The following RAB1A variants were observed in gnomAD, a reference collection of about 807,000 sequenced individuals.
RAB1A encodes the protein RAB1A, member RAS oncogene family, also known as ras-related protein Rab-1A.
In RAB1A, 2 loss-of-function variants were observed where a neutral mutation model predicts 26.0. The observed-to-expected ratio is 0.08, with a 90% CI of 0.03 to 0.24. The LOEUF is 0.24. Among genes scored for constraint, RAB1A ranks in the 10% least tolerant of loss-of-function variants. RAB1A has a pLI of 1.00. For missense variants in RAB1A, 100 were observed against 247.0 expected (o/e 0.40, Z 3.99); for synonymous variants, 84 against 84.9 (o/e 0.99, Z 0.06).
intron 1 of RAB1A, among the ~76,000 whole-genome samples, chr2:65,117,598 A>C (rs890670483): frequency 2.0e-5 from 3 of 151,864 alleles, no homozygotes; most frequent in Middle Eastern, 3.2e-3. Context: ...ATAGGCTCTC[A>C]CTCTGTCACC....
chr2:65,114,836 A>G (rs1488013998), intron 1 of RAB1A, among the ~76,000 whole-genome samples: 3 of 146,454 alleles, frequency 2.0e-5, no homozygotes, highest in Admixed American at 1.4e-4. Context: ...TGGGCAACAG[A>G]GCGAGACTCC....
chr2:65,117,508 A>C (rs750230664), intron 1 of RAB1A, among the ~76,000 whole-genome samples: 1 of 152,162 alleles, frequency 6.6e-6, no homozygotes, highest in Non-Finnish European at 1.5e-5. Flanking sequence ...TCCAACCATG[A>C]ATTCGTAAAG....
At chr2:65,124,295 T>C (rs1670043886) in intron 1 of RAB1A, among the ~76,000 whole-genome samples, 2 of 152,148 alleles carry the variant, frequency 1.3e-5, no homozygotes, top group Admixed American at 1.3e-4. Context: ...GCGGGAAATT[T>C]TTTAATGCAA....
At chr2:65,119,670 T>G (rs1352969156) in intron 1 of RAB1A, among the ~76,000 whole-genome samples, 1 of 150,774 alleles carries the variant, frequency 6.6e-6, no homozygotes, top group African/African-American at 2.4e-5. Context: ...AAGAAAAGTG[T>G]GATTCACTGC....
At chr2:65,098,366 T>C (rs1453782392) in intron 2 of RAB1A, among the ~76,000 whole-genome samples, 1 of 152,198 alleles carries the variant, frequency 6.6e-6, no homozygotes, top group Non-Finnish European at 1.5e-5. Context: ...GCCAAATTCT[T>C]TACATACATC....
rs202147353 is a variant in RAB1A, at chr2:65,090,708, TAG to T, written c.288+273_288+274del. On this transcript the variant is annotated intron_variant, in intron 4 of 5. Coordinates refer to ENST00000409784, the MANE Select transcript of RAB1A (RefSeq NM_004161.5). Reference sequence around the variant, plus strand: ...TCCCTACAAACTCTTGCCTATATGTTAGAGTCTTGGCTATTTGATCAAAGTTA... The same window carrying T: ...TCCCTACAAACTCTTGCCTATATGTTAGTCTTGGCTATTTGATCAAAGTTA... Among the ~76,000 whole-genome samples, 418 of 152,328 alleles carry T rather than the reference TAG, an allele frequency of 2.7e-3. 1 individual carries two copies. The highest frequency in any genetic ancestry group is 9.6e-3 in the African/African-American group (397 of 41,570).
intron 1 of RAB1A, among the ~76,000 whole-genome samples, chr2:65,122,628 T>C (rs1394557106): frequency 6.6e-6 from 1 of 151,982 alleles, no homozygotes; most frequent in Non-Finnish European, 1.5e-5. Context: ...AAGAAGCATC[T>C]TATTTTACCC....
intron 1 of RAB1A, among the ~76,000 whole-genome samples, chr2:65,125,414 T>C (rs1670074201): frequency 2.0e-5 from 3 of 150,748 alleles, no homozygotes; most frequent in Non-Finnish European, 1.5e-5. Context: ...TAATGTTAAG[T>C]ATTTCTTTCT....
intron 1 of RAB1A, among the ~76,000 whole-genome samples, chr2:65,116,458 C>T (rs1669828912): frequency 6.6e-6 from 1 of 152,146 alleles, no homozygotes; most frequent in Admixed American, 6.5e-5. Flanking sequence ...CACCATGAGC[C>T]TCAATTTCCT....
intron 3 of RAB1A, among the ~76,000 whole-genome samples, chr2:65,091,297 A>C (rs148167272): frequency 5.3e-5 from 8 of 152,324 alleles, no homozygotes; most frequent in Non-Finnish European, 8.8e-5. Flanking sequence ...TACGATAATA[A>C]TACTAAAATT....
chr2:65,111,940 G>A (rs968066708), intron 1 of RAB1A, among the ~76,000 whole-genome samples: 4 of 151,662 alleles, frequency 2.6e-5, no homozygotes, highest in East Asian at 2.0e-4. Context: ...AAAATTAGCC[G>A]GGCGTGGTGG....
At chr2:65,129,821 C>T in intron 1 of RAB1A, 72 bp downstream of exon 1, 2 of 1,555,968 alleles carry the variant, frequency 1.3e-6, no homozygotes, top group South Asian at 1.2e-5. Context: ...TCTGCCCCAA[C>T]CCTCCTCGAC....
intron 1 of RAB1A, among the ~76,000 whole-genome samples, chr2:65,110,793 G>A (rs185493489): frequency 6.6e-6 from 1 of 152,008 alleles, no homozygotes; most frequent in Admixed American, 6.6e-5. Flanking sequence ...TTAATTAGCT[G>A]GGTGTGGTGG....
chr2:65,106,347 A>C (rs1220597161), intron 1 of RAB1A: 1 of 318,914 alleles, frequency 3.1e-6, no homozygotes, highest in African/African-American at 2.3e-5. Context: ...AGTGAAAACC[A>C]CGTCACAATT....
At chr2:65,098,836 CTTT>C (rs70943624) in intron 2 of RAB1A, among the ~76,000 whole-genome samples, 8 of 103,414 alleles carry the variant, frequency 7.7e-5, no homozygotes, top group Admixed American at 1.2e-4. Context: ...AACAGTACTT[CTTT>C]TTTTTTTTTT....
chr2:65,116,560 G>A (rs1291749455), intron 1 of RAB1A, among the ~76,000 whole-genome samples: 2 of 152,164 alleles, frequency 1.3e-5, no homozygotes, highest in Non-Finnish European at 2.9e-5. Flanking sequence ...AGCACATACT[G>A]TCTGGCACAT....
chr2:65,127,078 T>C (rs1229174049), intron 1 of RAB1A, among the ~76,000 whole-genome samples: 1 of 152,192 alleles, frequency 6.6e-6, no homozygotes, highest in East Asian at 1.9e-4. Context: ...AATACAAATA[T>C]AGTAGGCCAG....
At chr2:65,118,425 A>C (rs76850539) in intron 1 of RAB1A, among the ~76,000 whole-genome samples, 12 of 152,154 alleles carry the variant, frequency 7.9e-5, no homozygotes, top group African/African-American at 2.2e-4. Context: ...AGAAAAAAAA[A>C]CTCAACTCTT....
At chr2:65,094,707 T>G (rs191971331) in intron 3 of RAB1A, among the ~76,000 whole-genome samples, 1 of 152,172 alleles carries the variant, frequency 6.6e-6, no homozygotes, top group Non-Finnish European at 1.5e-5. Flanking sequence ...GAAAGGGCCA[T>G]GAGCCCTTGA....
Sources: gnomAD v4.1 joint callset for allele counts (sites outside exome capture counted in the v4.1 genomes callset) on GRCh38, gnomAD v4.1.1 for gene constraint, MANE v1.5 for transcripts, NCBI Gene and HGNC (gene_info 2026-07-23, HGNC 2026-07-21) for gene names.